The following KTN1 variants were observed in gnomAD, a reference collection of about 807,000 sequenced individuals.
The protein encoded by KTN1 is kinectin 1, also known as kinectin.
Under a neutral mutation model 222.5 loss-of-function variants are expected in KTN1, and 130 were observed. The observed-to-expected ratio is 0.58, with a 90% CI of 0.51 to 0.68. KTN1 has a LOEUF of 0.68. Ranked by LOEUF, KTN1 falls within the 30% of genes least tolerant of loss-of-function variation. KTN1 has a pLI of 0.00. For synonymous variants in KTN1, 512 were observed against 496.3 expected, an observed-to-expected ratio of 1.03 and a Z score of -0.42; for missense variants, 1,508 against 1,500.4, an observed-to-expected ratio of 1.01 and a Z score of -0.08.
At chr14:55,608,100 C>G (rs2037009589) in intron 1 of KTN1, among the ~76,000 whole-genome samples, 1 of 152,182 alleles carries the variant, frequency 6.6e-6, no homozygotes, top group African/African-American at 2.4e-5. Context: ...TTACCCAGAG[C>G]TAAATTAACT....
intron 24 of KTN1, chr14:55,651,649 C>T: frequency 2.1e-6 from 1 of 480,238 alleles, no homozygotes; most frequent in Admixed American, 3.7e-5. Context: ...AAAAGCATCA[C>T]ATTAGTTAGA....
Position 55,679,725 on chromosome 14 carries a change from T to C in KTN1, c.4069+40T>C, listed in dbSNP as rs1313510612. On this transcript the variant is annotated intron_variant, in intron 43 of 43. Coordinates refer to ENST00000395314, the MANE Select transcript of KTN1 (RefSeq NM_001079521.2). ...AATATTGCTGTCTATGGGTAATTGA[T>C]GTTATGTGTCTGTGTAATGTGTATT... 3.8e-6 allele frequency: 6 copies of C among 1,592,094 alleles called. No individual in the cohort carries two copies. The East Asian group carries it at 1.1e-4, about 30-fold the overall frequency.
chr14:55,605,743 G>A (rs768680807), intron 1 of KTN1, among the ~76,000 whole-genome samples: 21 of 152,080 alleles, frequency 1.4e-4, no homozygotes, highest in Non-Finnish European at 2.5e-4. Context: ...TTTTGCTCAG[G>A]ATATATCTGC....
rs555301301 is a variant in KTN1 at position 55,644,463 on chromosome 14, C to T, written c.2173-2510C>T. 1.2e-3 allele frequency: 848 copies of T among 698,780 alleles called. 1 individual carries two copies. Among genetic ancestry groups the T allele is most frequent in the Non-Finnish European group, 1.9e-3 (741 of 382,508 alleles). The allele number at this position is 698,780 out of a possible 1,614,324, so 43.3% of individuals were successfully genotyped here. A position where few individuals can be genotyped will look rare whatever the true frequency, so the allele number is the denominator to read the frequency against. On this transcript the variant is annotated intron_variant, in intron 18 of 43. Transcript: ENST00000395314. ...TACCAAGTAAGTTAACCTGTTGATA[C>T]CCTAAAGGAGGGAAGGCTGCATTTG...
chr14:55,581,197 C>T (rs1324368060), intron 1 of KTN1, among the ~76,000 whole-genome samples: 1 of 152,192 alleles, frequency 6.6e-6, no homozygotes, highest in African/African-American at 2.4e-5. Context: ...TGCAGCCCCG[C>T]ATGCTGGCGG....
chr14:55,640,978 A>C lies in KTN1; in HGVS notation c.2021+8A>C, dbSNP rs1250619262. 1.9e-6 allele frequency: 3 copies of C among 1,604,808 alleles called. No homozygotes were observed. The highest frequency in any genetic ancestry group is 2.6e-6 in the Non-Finnish European group (3 of 1,172,080). On this transcript the variant is annotated splice_region_variant and intron_variant, in intron 16 of 43. Transcript: ENST00000395314. ...GGAGAAGATGCAACAAAGGTGACTA[A>C]AGTATTGTACATCTAGTCGTTCATA...
In KTN1 at chr14:55,609,942, G is replaced by T. The variant is rs181954111; in HGVS notation, c.-30-2077G>T. ...GGTTGACGAATCACACTTAATGGAG[G>T]CACAGTGAAATGTGTCTAATTTTAA... On this transcript the variant is annotated intron_variant, in intron 1 of 43. Coordinates refer to ENST00000395314, the MANE Select transcript of KTN1 (RefSeq NM_001079521.2). Among the ~76,000 whole-genome samples the T allele has an allele frequency of 5.3e-5, 8 of 152,202 alleles. No homozygotes were observed. In the East Asian group the frequency reaches 1.4e-3, roughly 26 times the overall value.
rs141137299 is a variant in KTN1, at chr14:55,649,954, A to G, written c.2405+141A>G. ...TCACTCTATAATTTTTCTTAATGGA[A>G]TAAGAGAACTTAGCTGTGCTTTCCC... On this transcript the variant is annotated intron_variant, in intron 22 of 43. Coordinates refer to ENST00000395314, the MANE Select transcript of KTN1 (RefSeq NM_001079521.2). The G allele has an allele frequency of 1.1e-3, 610 of 538,446 alleles. 2 individuals carry two copies. The highest frequency in any genetic ancestry group is 0.011 in the African/African-American group (563 of 49,836). 33.4% of individuals were successfully genotyped at this position (538,446 alleles called of 1,614,324 possible). A position where few individuals can be genotyped will look rare whatever the true frequency, so the allele number is the denominator to read the frequency against.
intron 12 of KTN1, 73 bp downstream of exon 12, chr14:55,637,920 G>A: frequency 8.9e-7 from 1 of 1,128,306 alleles, no homozygotes; most frequent in Non-Finnish European, 1.3e-6. Context: ...TGTCTGTTGA[G>A]TGCCAATTAC....
chr14:55,634,710 A>G (rs2040915251), intron 9 of KTN1, 52 bp downstream of exon 9: 2 of 1,522,224 alleles, frequency 1.3e-6, no homozygotes, highest in Non-Finnish European at 1.8e-6. Flanking sequence ...TAGGCGTATT[A>G]GTTCGTTTTC....
rs368655023 is a variant in KTN1, at chr14:55,678,464, C to T, written c.3948+20C>T. The T allele has an allele frequency of 2.7e-6, 4 of 1,470,498 alleles. No homozygotes were observed. The highest frequency in any genetic ancestry group is 1.4e-5 in the African/African-American group (1 of 71,910). The allele number at this position is 1,470,498 out of a possible 1,614,324, so 91.1% of individuals were successfully genotyped here. A position where few individuals can be genotyped will look rare whatever the true frequency, so the allele number is the denominator to read the frequency against. On this transcript the variant is annotated intron_variant, in intron 42 of 43. Coordinates refer to ENST00000395314, the MANE Select transcript of KTN1 (RefSeq NM_001079521.2). ...GAAACGGTATGTATTTTCTTCATCC[C>T]CAGATCTCTGAGCTAGTTACCTTGT... is the stretch of plus-strand genomic sequence containing the variant.
rs910578869 is a variant in KTN1 at position 55,634,382 on chromosome 14, G to A, written c.1329-144G>A. ...AGGAATTATACAACTAAACTTTATT[G>A]TTAGTAGTCACTTGTGTTCTGTTTC... On this transcript the variant is annotated intron_variant, in intron 8 of 43. Transcript: ENST00000395314. The A allele has an allele frequency of 7.2e-6, 4 of 556,766 alleles. No individual in the cohort carries two copies. In the African/African-American group the frequency reaches 7.7e-5, roughly 11 times the overall value. 34.5% of individuals were successfully genotyped at this position (556,766 alleles called of 1,614,324 possible).
intron 1 of KTN1, among the ~76,000 whole-genome samples, chr14:55,590,024 C>A (rs1441560364): frequency 6.6e-6 from 1 of 152,112 alleles, no homozygotes. Context: ...AAAAACCACA[C>A]ATACAAACCT....
chr14:55,682,711 C>G (rs1182105790), intron 43 of KTN1: 1 of 152,154 alleles, frequency 6.6e-6, no homozygotes, highest in Non-Finnish European at 1.5e-5. Flanking sequence ...GGTCATACGG[C>G]TAATAAATGG....
chr14:55,659,653 A>G lies in KTN1; in HGVS notation c.2962-13A>G. On this transcript the variant is annotated splice_polypyrimidine_tract_variant and intron_variant, in intron 30 of 43. Coordinates refer to ENST00000395314, the MANE Select transcript of KTN1 (RefSeq NM_001079521.2). ...AAGTTTTGTTCTGAAATAACATTTA[A>G]CTCTTTTGATAGGCATCTTCTTTTC... 6.9e-7 allele frequency: 1 copy of G among 1,456,878 alleles called. No individual in the cohort carries two copies. The highest frequency in any genetic ancestry group is 9.6e-7 in the Non-Finnish European group (1 of 1,039,628). The allele number at this position is 1,456,878 out of a possible 1,614,324, so 90.2% of individuals were successfully genotyped here.
intron 1 of KTN1, among the ~76,000 whole-genome samples, chr14:55,589,373 A>T (rs1211304646): frequency 1.3e-5 from 2 of 151,954 alleles, no homozygotes; most frequent in Non-Finnish European, 2.9e-5. Flanking sequence ...ATCTTGGCTC[A>T]CTGCAACCTC....
rs770941780 is a variant in KTN1, at chr14:55,653,043, A to G, written c.2721A>G (p.Leu907=). 2.9e-5 allele frequency: 47 copies of G among 1,605,020 alleles called. No homozygotes were observed. Among genetic ancestry groups the G allele is most frequent in the Middle Eastern group, 1.7e-4 (1 of 6,054 alleles). The change falls in exon 27 of 44, where the codon TTA becomes TTG. Residue 907 remains leucine, a synonymous_variant. Coordinates refer to ENST00000395314, the MANE Select transcript of KTN1 (RefSeq NM_001079521.2). ...ATCTTCAAGAAGAAAATGAATCTTT[A>G]AAAGCACATGTTCAGGAAGTAGCAC... is the stretch of plus-strand genomic sequence containing the variant. The part of the protein sequence containing the change: ...LQDLQEENES[L]KAHVQEVAQH...
At chr14:55,659,595 G>C in intron 30 of KTN1, 71 bp from the exon 31 acceptor site, 1 of 910,780 alleles carries the variant, frequency 1.1e-6, no homozygotes, top group Non-Finnish European at 1.8e-6. Context: ...ATTTATATTT[G>C]AGAAAAGCTT....
intron 1 of KTN1, among the ~76,000 whole-genome samples, chr14:55,594,494 TAG>T (rs1472466749): frequency 1.3e-5 from 2 of 150,500 alleles, no homozygotes; most frequent in African/African-American, 2.4e-5. Context: ...TCAAGCAGAG[TAG>T]AGTTTTTTTT....
Sources: allele counts gnomAD v4.1 joint callset (sites outside exome capture counted in the v4.1 genomes callset), GRCh38; gene constraint gnomAD v4.1.1; transcripts MANE v1.5; gene names NCBI Gene and HGNC (gene_info 2026-07-23, HGNC 2026-07-21).